ZNF91: variants seen among roughly 807,000 people sequenced by gnomAD.
ZNF91 encodes zinc finger protein 91 (HPF7, HTF10).
Under a neutral mutation model 12.6 loss-of-function variants are expected in ZNF91, and 7 were observed. The observed-to-expected ratio is 0.55, with a 90% CI of 0.31 to 1.04. The LOEUF (loss-of-function observed/expected upper bound fraction) is 1.04. Among genes scored for constraint, ZNF91 ranks in the 50% least tolerant of loss-of-function variants. The probability of loss-of-function intolerance (pLI) is 0.05; values close to 1 mark genes in which losing one functional copy is unlikely to be tolerated. For synonymous variants in ZNF91, 453 were observed against 462.6 expected, an observed-to-expected ratio of 0.98 and a Z score of 0.27; for missense variants, 1,217 against 1,385.4, an observed-to-expected ratio of 0.88 and a Z score of 1.93.
At chr19:23,320,204 A>C (rs1880726246) in intron 1 of ZNF91, among the ~76,000 whole-genome samples, 1 of 152,124 alleles carries the variant, frequency 6.6e-6, no homozygotes, top group Admixed American at 6.5e-5. Flanking sequence ...CCCATTTCTA[A>C]ACCCAGCTCA....
chr19:23,394,626 G>A (rs1970170705), intron 1 of ZNF91, among the ~76,000 whole-genome samples: 1 of 152,108 alleles, frequency 6.6e-6, no homozygotes, highest in Non-Finnish European at 1.5e-5. Flanking sequence ...AGCTACTAGG[G>A]CTGAGGCAGG....
chr19:23,325,802 A>G (rs1383279851), intron 1 of ZNF91: 2 of 152,212 alleles, frequency 1.3e-5, no homozygotes, highest in Non-Finnish European at 2.9e-5. Flanking sequence ...TTCTGCCTCC[A>G]GTTTCTCTCT....
intron 1 of ZNF91, among the ~76,000 whole-genome samples, chr19:23,329,780 TG>T: frequency 6.6e-6 from 1 of 152,310 alleles, no homozygotes; most frequent in Non-Finnish European, 1.5e-5. Flanking sequence ...AAAATAGTGA[TG>T]TTGTCTGCTG....
At position 23,359,466 on chromosome 19, in the gene ZNF91, G is replaced by A. The variant is rs369770719; in HGVS notation, c.3513C>T (p.Gly1171=). The A allele has an allele frequency of 2.3e-5, 36 of 1,574,112 alleles. No homozygotes were observed. Among genetic ancestry groups the A allele is most frequent in the East Asian group, 2.2e-4 (10 of 44,568 alleles). ...TCTCCATCTCCTGACCTCGTGATCC[G>A]CCCGCCTCGGCCTCCCAAAGTAGTG... The part of the protein sequence containing the change: ...VIPLLWEAEA[G]GSRGQEMETI... The change falls in exon 4 of 4, where the codon GGC becomes GGT. Residue 1171 remains glycine (G), a synonymous_variant. Coordinates refer to ENST00000300619, the MANE Select transcript of ZNF91 (RefSeq NM_003430.4).
At chr19:23,324,166 T>G (rs1967790913) in intron 1 of ZNF91, 2 of 147,768 alleles carry the variant, frequency 1.4e-5, no homozygotes, top group Non-Finnish European at 2.9e-5. Context: ...CTCATTCTTT[T>G]CTTCTTCTCC....
At chr19:23,372,429 A>C (rs766692150) in intron 3 of ZNF91, among the ~76,000 whole-genome samples, 14 of 152,178 alleles carry the variant, frequency 9.2e-5, no homozygotes, top group Middle Eastern at 3.2e-3. Context: ...CATCTCAAAA[A>C]TAAGTGCCTT....
At chr19:23,368,455 C>A (rs1342481611) in intron 3 of ZNF91, among the ~76,000 whole-genome samples, 1 of 150,238 alleles carries the variant, frequency 6.7e-6, no homozygotes, top group Non-Finnish European at 1.5e-5. Flanking sequence ...GTGGGGGTTG[C>A]AGTGAGCCAA....
In ZNF91 at chr19:23,386,346, T is replaced by G. The variant is rs548637814; in HGVS notation, c.30+8979A>C. Among the ~76,000 whole-genome samples the G allele has an allele frequency of 2.6e-5, 4 of 152,246 alleles. No homozygotes were observed. The South Asian group carries it at 6.2e-4, about 24-fold the overall frequency. ...ATATAAAACCAAAAAAGAGTCTGAA[T>G]AGCCAAAGTAAACATAAGCAAAACA... On this transcript the variant is annotated intron_variant, in intron 1 of 3. Transcript: ENST00000300619.
chr19:23,356,358 G>A (rs1245771627), downstream of ZNF91, among the ~76,000 whole-genome samples: 1 of 151,894 alleles, frequency 6.6e-6, no homozygotes, highest in African/African-American at 2.4e-5. Context: ...CACTTAAAAT[G>A]TATATATACA....
chr19:23,388,062 A>G (rs1969935956), intron 1 of ZNF91, among the ~76,000 whole-genome samples: 1 of 151,824 alleles, frequency 6.6e-6, no homozygotes, highest in Admixed American at 6.6e-5. Context: ...CCTGGTCAAC[A>G]TGGTGAAACC....
intron 1 of ZNF91, among the ~76,000 whole-genome samples, chr19:23,330,142 T>C (rs1156290016): frequency 6.6e-6 from 1 of 152,026 alleles, no homozygotes; most frequent in Non-Finnish European, 1.5e-5. Context: ...ACCAGCTTTG[T>C]CAACATGGTG....
At chr19:23,351,997 C>T (rs924951687) in intron 3 of ZNF91, among the ~76,000 whole-genome samples, 3 of 152,142 alleles carry the variant, frequency 2.0e-5, no homozygotes, top group South Asian at 2.1e-4. Context: ...GAAGGACTTC[C>T]CTAGCTCAAC....
At chr19:23,381,458 TTCTC>T (rs1969711656) in intron 1 of ZNF91, among the ~76,000 whole-genome samples, 2 of 145,450 alleles carry the variant, frequency 1.4e-5, no homozygotes, top group African/African-American at 2.5e-5. Flanking sequence ...CTTTTTTTCT[TTCTC>T]TTTTTTTTTT....
At chr19:23,365,429 T>C (rs1424977082) in intron 3 of ZNF91, among the ~76,000 whole-genome samples, 1 of 152,094 alleles carries the variant, frequency 6.6e-6, no homozygotes, top group Non-Finnish European at 1.5e-5. Flanking sequence ...AATGTGAGAC[T>C]CTGTAAATAA....
In ZNF91 at chr19:23,359,479, T is replaced by A; in HGVS notation, c.3500A>T (p.Glu1167Val). 6 of 1,609,152 alleles carry A rather than the reference T, an allele frequency of 3.7e-6. No homozygotes were observed. The East Asian group carries it at 1.3e-4, about 36-fold the overall frequency. ...ACCTCGTGATCCGCCCGCCTCGGCC[T>A]CCCAAAGTAGTGGGATTACAGGTGT... ...TITPVIPLLW[E>V]AEAGGSRGQE... Residue 1167 changes from glutamate (E) to valine (V), a missense_variant, in exon 4 of 4, where the codon GAG (glutamate) becomes GTG (valine). Transcript: ENST00000300619.
rs1177155558 is a variant in ZNF91 at position 23,357,921 on chromosome 19, T to TA, written c.*1481dup. On this transcript the variant is annotated 3_prime_UTR_variant, in exon 4 of 4. Coordinates refer to ENST00000300619, the MANE Select transcript of ZNF91 (RefSeq NM_003430.4). The stretch of plus-strand genomic sequence containing the variant: ...AATATGCCACATATGGCATAATATG[T>TA]ACACATATTAGGTATCCACAAAAAT... 3.3e-5 allele frequency: 5 copies of TA among 152,172 alleles called. No individual in the cohort carries two copies. Among genetic ancestry groups the TA allele is most frequent in the Non-Finnish European group, 7.4e-5 (5 of 68,000 alleles). 9.4% of individuals were successfully genotyped at this position (152,172 alleles called of 1,614,324 possible). A position where few individuals can be genotyped will look rare whatever the true frequency, so the allele number is the denominator to read the frequency against.
chr19:23,340,873 T>C (rs1352216547), intron 3 of ZNF91, among the ~76,000 whole-genome samples: 2 of 151,286 alleles, frequency 1.3e-5, no homozygotes, highest in African/African-American at 4.8e-5. Flanking sequence ...CGTGCCAACA[T>C]GGAACTAATA....
chr19:23,353,050 T>G (rs1358528079), downstream of ZNF91, among the ~76,000 whole-genome samples: 3 of 152,138 alleles, frequency 2.0e-5, no homozygotes, highest in Non-Finnish European at 4.4e-5. Flanking sequence ...AGACAGGTCA[T>G]CAAGACAGAA....
intron 1 of ZNF91, among the ~76,000 whole-genome samples, chr19:23,390,243 G>T (rs80097277): frequency 0.099 from 15,096 of 152,062 alleles, 1,081 homozygotes; most frequent in African/African-American, 0.19. Flanking sequence ...TTGAACCCGG[G>T]AGACGGAGGT....
Sources: gnomAD v4.1 joint callset for allele counts (sites outside exome capture counted in the v4.1 genomes callset) on GRCh38, gnomAD v4.1.1 for gene constraint, MANE v1.5 for transcripts, NCBI Gene and HGNC (gene_info 2026-07-23, HGNC 2026-07-21) for gene names.